The following KITLG variants were observed in gnomAD, a reference collection of about 807,000 sequenced individuals.
The protein encoded by KITLG is KIT ligand, also known as c-Kit ligand.
KITLG carries 13 observed loss-of-function variants against 34.1 expected under a neutral mutation model. The ratio of observed to expected loss-of-function variants is 0.38; its 90% confidence interval spans 0.25 to 0.61. The LOEUF (loss-of-function observed/expected upper bound fraction) is 0.61, where lower values mean the gene tolerates loss of function less well. KITLG is among the 20% of genes least tolerant of loss of function. KITLG has a pLI of 0.60. For missense variants in KITLG, 292 were observed against 318.9 expected (o/e 0.92, Z 0.64); for synonymous variants, 110 against 104.0 (o/e 1.06, Z -0.35).
At chr12:88,501,528 T>C (rs1375074577) in intron 9 of KITLG, among the ~76,000 whole-genome samples, 1 of 152,182 alleles carries the variant, frequency 6.6e-6, no homozygotes, top group Non-Finnish European at 1.5e-5. Flanking sequence ...TACACACCTA[T>C]CTAGGAACTA....
chr12:88,504,855 C>A (rs1868992964), intron 9 of KITLG, among the ~76,000 whole-genome samples: 1 of 151,660 alleles, frequency 6.6e-6, no homozygotes. Context: ...TCATTCTGAG[C>A]AAACTATCGC....
chr12:88,494,782 T>C lies in KITLG; in HGVS notation c.*2437A>G, dbSNP rs927183039. 2.0e-5 allele frequency: 3 copies of C among 152,332 alleles called. No homozygotes were observed. The highest frequency in any genetic ancestry group is 4.8e-5 in the African/African-American group (2 of 41,558). 9.4% of individuals were successfully genotyped at this position (152,332 alleles called of 1,614,324 possible). ...TTCCAAGATGGAACTGTCAGATACA[T>C]GGCACCAACTGAAAAGGCGATTTCA... On this transcript the variant is annotated 3_prime_UTR_variant, in exon 10 of 10. Coordinates refer to ENST00000644744, the MANE Select transcript of KITLG (RefSeq NM_000899.5).
chr12:88,542,563 G>T (rs1870554709), intron 2 of KITLG, among the ~76,000 whole-genome samples: 1 of 151,970 alleles, frequency 6.6e-6, no homozygotes, highest in African/African-American at 2.4e-5. Context: ...CACTCATGTT[G>T]CTGTTTGAAT....
rs185798569 is a variant in KITLG, at chr12:88,571,496, C to T, written c.15+8768G>A. On this transcript the variant is annotated intron_variant, in intron 1 of 9. Coordinates refer to ENST00000644744, the MANE Select transcript of KITLG (RefSeq NM_000899.5). ...GTTATGCATTCACTGAAAATTAATGCTGTAAAATAGTAAACAAAGTAGCCT... is the reference window on the plus strand; with the variant it reads ...GTTATGCATTCACTGAAAATTAATGTTGTAAAATAGTAAACAAAGTAGCCT... 2.6e-5 allele frequency among the ~76,000 whole-genome samples: 4 copies of T among 152,274 alleles called. No homozygotes were observed. In the East Asian group the frequency reaches 5.8e-4, roughly 22 times the overall value.
intron 1 of KITLG, among the ~76,000 whole-genome samples, chr12:88,577,315 T>TA (rs1871859969): frequency 6.6e-6 from 1 of 152,186 alleles, no homozygotes; most frequent in Non-Finnish European, 1.5e-5. Flanking sequence ...TGGCCTTTTT[T>TA]ACATTGTTTG....
In KITLG at chr12:88,533,579, C is replaced by T. The variant is rs35341234; in HGVS notation, c.130-1076G>A. 4.0e-3 allele frequency among the ~76,000 whole-genome samples: 613 copies of T among 152,260 alleles called. 1 individual carries two copies. The highest frequency in any genetic ancestry group is 9.7e-3 in the African/African-American group (402 of 41,560). Reference sequence around the variant, plus strand: ...CCCAGATGAATAATTTAGCCAACAACTGACTTAGACCATTGGGTATTAAGA... The same window carrying T: ...CCCAGATGAATAATTTAGCCAACAATTGACTTAGACCATTGGGTATTAAGA... On this transcript the variant is annotated intron_variant, in intron 2 of 9. Transcript: ENST00000644744.
chr12:88,553,286 C>A (rs1870983025), intron 1 of KITLG, among the ~76,000 whole-genome samples: 1 of 152,126 alleles, frequency 6.6e-6, no homozygotes, highest in South Asian at 2.1e-4. Flanking sequence ...CCTCTTCTTC[C>A]AATTTCTGGA....
intron 2 of KITLG, among the ~76,000 whole-genome samples, chr12:88,538,306 G>T (rs913033386): frequency 2.0e-4 from 30 of 151,890 alleles, no homozygotes; most frequent in Admixed American, 1.1e-3. Context: ...CAAATGGTAG[G>T]TAGTAAGGTA....
intron 3 of KITLG, among the ~76,000 whole-genome samples, chr12:88,529,328 C>T (rs1423159390): frequency 1.3e-5 from 2 of 152,000 alleles, no homozygotes; most frequent in Non-Finnish European, 2.9e-5. Context: ...CCAGAAATAT[C>T]CAGGTATTCT....
At chr12:88,553,933 G>A (rs1871011492) in intron 1 of KITLG, among the ~76,000 whole-genome samples, 1 of 152,180 alleles carries the variant, frequency 6.6e-6, no homozygotes, top group Non-Finnish European at 1.5e-5. Context: ...ACAAGAAGAT[G>A]AGGTTGAAGA....
intron 1 of KITLG, among the ~76,000 whole-genome samples, chr12:88,555,566 A>C (rs1249652903): frequency 6.6e-6 from 1 of 152,200 alleles, no homozygotes; most frequent in Non-Finnish European, 1.5e-5. Context: ...CATGTTACAG[A>C]AGGCATATAG....
At chr12:88,526,603 A>T (rs752190673) in intron 3 of KITLG, among the ~76,000 whole-genome samples, 33 of 152,180 alleles carry the variant, frequency 2.2e-4, no homozygotes, top group Non-Finnish European at 5.9e-5. Flanking sequence ...GTGGAAGATT[A>T]TCTATTAAAT....
chr12:88,551,352 A>G (rs970383877), intron 1 of KITLG, among the ~76,000 whole-genome samples: 3 of 152,172 alleles, frequency 2.0e-5, no homozygotes, highest in Non-Finnish European at 4.4e-5. Context: ...TTTATATAAA[A>G]AAGAAACTTT....
At chr12:88,500,077 C>A (rs980621951) in intron 9 of KITLG, among the ~76,000 whole-genome samples, 25 of 152,200 alleles carry the variant, frequency 1.6e-4, no homozygotes, top group African/African-American at 5.8e-4. Flanking sequence ...CCGATGCTCA[C>A]CCTTTCTTCT....
chr12:88,516,256 CAGA>C (rs758648208), intron 5 of KITLG, 75 bp downstream of exon 5: 58 of 1,228,680 alleles, frequency 4.7e-5, no homozygotes, highest in Non-Finnish European at 6.3e-5. Context: ...CAGCTTAACA[CAGA>C]GGTAGATTCT....
chr12:88,533,976 G>T (rs1160443038), intron 2 of KITLG, among the ~76,000 whole-genome samples: 1 of 152,056 alleles, frequency 6.6e-6, no homozygotes. Context: ...ACTTAGTATG[G>T]TTCCTCTTCC....
chr12:88,565,634 G>T (rs566623572), intron 1 of KITLG, among the ~76,000 whole-genome samples: 1 of 151,746 alleles, frequency 6.6e-6, no homozygotes, highest in Non-Finnish European at 1.5e-5. Flanking sequence ...AACAAACAAA[G>T]AAACAAACAA....
At chr12:88,570,545 AAAC>A (rs1214911292) in intron 1 of KITLG, among the ~76,000 whole-genome samples, 4 of 151,708 alleles carry the variant, frequency 2.6e-5, no homozygotes, top group African/African-American at 9.7e-5. Context: ...AACAAAAAAA[AAAC>A]AAAGAAGTTC....
At chr12:88,567,498 G>C (rs896573289) in intron 1 of KITLG, among the ~76,000 whole-genome samples, 7 of 152,182 alleles carry the variant, frequency 4.6e-5, no homozygotes, top group Non-Finnish European at 1.0e-4. Flanking sequence ...AAAGTAACTT[G>C]CATCTGTCTT....
Sources: allele counts gnomAD v4.1 joint callset (sites outside exome capture counted in the v4.1 genomes callset), GRCh38; gene constraint gnomAD v4.1.1; transcripts MANE v1.5; gene names NCBI Gene and HGNC (gene_info 2026-07-23, HGNC 2026-07-21).